VPS13B: variants seen among roughly 807,000 people sequenced by gnomAD.
VPS13B encodes the protein intermembrane lipid transfer protein VPS13B.
A neutral mutation model predicts 426.4 loss-of-function variants in VPS13B; 285 were observed. That is an observed-to-expected ratio of 0.67 (90% confidence interval 0.61 to 0.74). The LOEUF (loss-of-function observed/expected upper bound fraction) is 0.74. VPS13B is among the 30% of genes least tolerant of loss of function. The pLI is 0.00. For missense variants in VPS13B, 4,537 were observed against 4,782.6 expected (o/e 0.95, Z 1.51); for synonymous variants, 1,676 against 1,676.4 (o/e 1.00, Z 0.01).
chr8:99,429,865 A>T lies in VPS13B; in HGVS notation c.3083-1672A>T, dbSNP rs549925676. ...CTGTTATTCTGTCCCAGTTCCCTCA[A>T]GTAAAAACCATCTCCTTACTATGAC... On this transcript the variant is annotated intron_variant, in intron 21 of 61. Transcript: ENST00000357162. Among the ~76,000 whole-genome samples the T allele has an allele frequency of 2.0e-5, 3 of 152,270 alleles. No individual in the cohort carries two copies. In the East Asian group the frequency reaches 5.8e-4, roughly 29 times the overall value.
chr8:99,831,413 A>G (rs1191335044), intron 51 of VPS13B, among the ~76,000 whole-genome samples: 1 of 152,124 alleles, frequency 6.6e-6, no homozygotes, highest in Non-Finnish European at 1.5e-5. Flanking sequence ...AGAAAATGTT[A>G]AGTGGTATGC....
intron 25 of VPS13B, among the ~76,000 whole-genome samples, chr8:99,485,070 TCA>T (rs1195084429): frequency 6.6e-6 from 1 of 152,194 alleles, no homozygotes; most frequent in Non-Finnish European, 1.5e-5. Flanking sequence ...TAGGATTTAC[TCA>T]CAACAGAGCA....
intron 17 of VPS13B, chr8:99,209,563 AC>A: frequency 3.7e-6 from 1 of 270,890 alleles, no homozygotes; most frequent in Non-Finnish European, 7.2e-6. Flanking sequence ...TATTTTAATA[AC>A]AATTTTTTTT....
intron 37 of VPS13B, 95 bp from the exon 38 acceptor site, chr8:99,720,250 T>C (rs1182752355): frequency 2.0e-6 from 2 of 986,124 alleles, no homozygotes; most frequent in Admixed American, 4.3e-5. Context: ...TGAACATAAT[T>C]ACAGTCCTAC....
At chr8:99,739,284 C>T (rs1311199183) in intron 39 of VPS13B, among the ~76,000 whole-genome samples, 1 of 152,210 alleles carries the variant, frequency 6.6e-6, no homozygotes, top group African/African-American at 2.4e-5. Context: ...GGAGGGGCGC[C>T]CGCCATTGCT....
At chr8:99,597,975 C>A (rs1019771317) in intron 33 of VPS13B, among the ~76,000 whole-genome samples, 1 of 151,818 alleles carries the variant, frequency 6.6e-6, no homozygotes, top group African/African-American at 2.4e-5. Context: ...ATTTCTGTTC[C>A]TAGAAGTAGA....
Position 99,784,320 on chromosome 8 carries a change from A to G in VPS13B, c.7785A>G (p.Lys2595=). 1.2e-6 allele frequency: 2 copies of G among 1,613,628 alleles called. No individual in the cohort carries two copies. Among genetic ancestry groups the G allele is most frequent in the African/African-American group, 1.3e-5 (1 of 74,982 alleles). The change falls in exon 43 of 62, where the codon AAA becomes AAG. Residue 2595 remains lysine, a synonymous_variant. Coordinates refer to ENST00000357162, the MANE Select transcript of VPS13B (RefSeq NM_152564.5). ...TCGTATCCTTTTTCTTTCAGAACAA[A>G]TGCCCTGAGGTAGAGGAGTTGGTCT... ...NTAIQAWQQN[K]CPEVEELVFS...
At chr8:99,288,770 A>C (rs1819572569) in intron 19 of VPS13B, among the ~76,000 whole-genome samples, 1 of 152,134 alleles carries the variant, frequency 6.6e-6, no homozygotes, top group Non-Finnish European at 1.5e-5. Flanking sequence ...TTAGTCAACT[A>C]TCAGGTATAG....
intron 4 of VPS13B, among the ~76,000 whole-genome samples, chr8:99,099,763 A>C (rs915073183): frequency 6.6e-5 from 10 of 152,198 alleles, no homozygotes; most frequent in Non-Finnish European, 1.5e-4. Context: ...AGGAGGAAGA[A>C]CACGAGTAAA....
intron 35 of VPS13B, among the ~76,000 whole-genome samples, chr8:99,698,867 C>A (rs1832146312): frequency 6.6e-6 from 1 of 152,156 alleles, no homozygotes; most frequent in Non-Finnish European, 1.5e-5. Context: ...ATAAGGACAA[C>A]ATGTGGTATA....
At chr8:99,051,259 T>G (rs1306957305) in intron 3 of VPS13B, among the ~76,000 whole-genome samples, 1 of 152,212 alleles carries the variant, frequency 6.6e-6, no homozygotes, top group Admixed American at 6.5e-5. Context: ...GCTAGCCAGT[T>G]TTCCCAGCAC....
chr8:99,063,191 G>A (rs774315998), intron 3 of VPS13B, among the ~76,000 whole-genome samples: 4 of 152,204 alleles, frequency 2.6e-5, no homozygotes, highest in Non-Finnish European at 5.9e-5. Flanking sequence ...TCCAACTGAG[G>A]TACCTGGTTC....
rs887254382 is a variant in VPS13B at position 99,699,559 on chromosome 8, A to G, written c.6081A>G (p.Lys2027=). The change falls in exon 36 of 62, where the codon AAA becomes AAG. Residue 2027 remains lysine (K), a synonymous_variant. Transcript: ENST00000357162. ...DVNLDISKPL[K]ANLSFTKLDQ... is the part of the protein sequence containing the mutation. ...ATTTGGATATATCAAAGCCTTTGAA[A>G]GCAAACCTGAGTTTCACCAAACTGG... 1 of 1,613,890 alleles carries G rather than the reference A, an allele frequency of 6.2e-7. No individual in the cohort carries two copies.
In VPS13B at chr8:99,699,907, T is replaced by C; in HGVS notation, c.6429T>C (p.Ser2143=). The C allele has an allele frequency of 6.2e-7, 1 of 1,613,946 alleles. No individual in the cohort carries two copies. The highest frequency in any genetic ancestry group is 8.5e-7 in the Non-Finnish European group (1 of 1,179,974). ...TCTCAAACCTCAATGGAAGCCTTAG[T>C]GTCAAGGCAACACAAAAAGTACCTG... ...ASLSNLNGSL[S]VKATQKVPGI... The change falls in exon 36 of 62, where the codon AGT becomes AGC. Residue 2143 remains serine (S), a synonymous_variant. Transcript: ENST00000357162.
chr8:99,576,293 A>T (rs1825771833), intron 32 of VPS13B, among the ~76,000 whole-genome samples: 1 of 152,158 alleles, frequency 6.6e-6, no homozygotes, highest in South Asian at 2.1e-4. Flanking sequence ...ATTATTTGCA[A>T]GTTTTCACAG....
intron 17 of VPS13B, among the ~76,000 whole-genome samples, chr8:99,194,800 T>C (rs998971737): frequency 1.3e-5 from 2 of 152,124 alleles, no homozygotes; most frequent in African/African-American, 2.4e-5. Context: ...ATTTTTAGAT[T>C]TTTGAGGAGC....
At chr8:99,175,349 A>AT (rs1219356688) in intron 16 of VPS13B, among the ~76,000 whole-genome samples, 4 of 152,220 alleles carry the variant, frequency 2.6e-5, no homozygotes, top group African/African-American at 9.7e-5. Flanking sequence ...CAATTTGAAA[A>AT]TTTGCAGATG....
At chr8:99,306,259 T>C (rs1820633397) in intron 19 of VPS13B, among the ~76,000 whole-genome samples, 1 of 152,096 alleles carries the variant, frequency 6.6e-6, no homozygotes, top group African/African-American at 2.4e-5. Context: ...GGCAAGAGGC[T>C]AAGAATCTGA....
Position 99,714,730 on chromosome 8 carries a change from T to G in VPS13B, c.6455-2441T>G, listed in dbSNP as rs78980292. Among the ~76,000 whole-genome samples the G allele has an allele frequency of 3.5e-3, 534 of 152,284 alleles. 23 individuals carry two copies. The East Asian group carries it at 0.089, about 25-fold the overall frequency. ...TTTCTGATCACAAGAAAACATCAGATAAACCCCAACAGACAGACACGTTGC... is the reference window on the plus strand; with the variant it reads ...TTTCTGATCACAAGAAAACATCAGAGAAACCCCAACAGACAGACACGTTGC... On this transcript the variant is annotated intron_variant, in intron 36 of 61. Transcript: ENST00000357162.
Sources: gnomAD v4.1 joint callset for allele counts (sites outside exome capture counted in the v4.1 genomes callset) on GRCh38, gnomAD v4.1.1 for gene constraint, MANE v1.5 for transcripts, NCBI Gene and HGNC (gene_info 2026-07-23, HGNC 2026-07-21) for gene names.